Variants in SUPT3H observed in about 807,000 individuals in gnomAD.
The protein encoded by SUPT3H is SPT3 homolog, SAGA and STAGA complex component.
Under a neutral mutation model 44.3 loss-of-function variants are expected in SUPT3H, and 44 were observed. That is an observed-to-expected ratio of 0.99 (90% CI 0.78 to 1.28). The LOEUF is 1.28. Among genes scored for constraint, SUPT3H ranks in the 50% most tolerant of loss-of-function variants. The probability of loss-of-function intolerance (pLI) is 0.00; values close to 1 mark genes in which losing one functional copy is unlikely to be tolerated. For synonymous variants in SUPT3H, 124 were observed against 125.6 expected (o/e 0.99, Z 0.09); for missense variants, 380 against 387.1 (o/e 0.98, Z 0.15).
intron 9 of SUPT3H, among the ~76,000 whole-genome samples, chr6:44,936,408 T>C (rs1771427483): frequency 6.6e-6 from 1 of 152,170 alleles, no homozygotes; most frequent in South Asian, 2.1e-4. Flanking sequence ...TAGATTAGAG[T>C]GGTAAAGTTA....
At chr6:45,166,912 T>C (rs566715104) in intron 2 of SUPT3H, among the ~76,000 whole-genome samples, 3 of 152,342 alleles carry the variant, frequency 2.0e-5, no homozygotes, top group Admixed American at 1.3e-4. Flanking sequence ...AGAACTCTCA[T>C]GCATTGCTTG....
At chr6:45,305,232 C>T (rs942875970) in intron 2 of SUPT3H, among the ~76,000 whole-genome samples, 1 of 152,172 alleles carries the variant, frequency 6.6e-6, no homozygotes, top group Non-Finnish European at 1.5e-5. Context: ...ATTACCGGAA[C>T]ATAACTCGTT....
intron 2 of SUPT3H, among the ~76,000 whole-genome samples, chr6:45,149,990 T>G (rs1419122583): frequency 1.3e-5 from 2 of 151,938 alleles, no homozygotes; most frequent in Non-Finnish European, 2.9e-5. Flanking sequence ...CCAGGCTACA[T>G]ATCAGGTAAA....
intron 2 of SUPT3H, among the ~76,000 whole-genome samples, chr6:45,120,481 A>G (rs1198181988): frequency 6.7e-6 from 1 of 149,710 alleles, no homozygotes; most frequent in Non-Finnish European, 1.5e-5. Flanking sequence ...TGACTGGAGT[A>G]GGATGATGAT....
chr6:45,118,187 T>G (rs1801107902), intron 2 of SUPT3H, among the ~76,000 whole-genome samples: 2 of 152,076 alleles, frequency 1.3e-5, no homozygotes, highest in Non-Finnish European at 2.9e-5. Context: ...CTTTAAATTT[T>G]ACTATGAAAA....
intron 10 of SUPT3H, among the ~76,000 whole-genome samples, chr6:44,885,278 T>G (rs75131094): frequency 6.6e-6 from 1 of 152,270 alleles, no homozygotes; most frequent in South Asian, 2.1e-4. Flanking sequence ...TCTCCCAGCA[T>G]GCAGCTGGAG....
intron 3 of SUPT3H, among the ~76,000 whole-genome samples, chr6:45,043,381 T>C (rs1788893651): frequency 6.6e-6 from 1 of 152,142 alleles, no homozygotes; most frequent in Non-Finnish European, 1.5e-5. Flanking sequence ...GGGTGAGTTG[T>C]GTGTCACTGA....
At chr6:44,895,494 G>C (rs1424314785) in intron 10 of SUPT3H, among the ~76,000 whole-genome samples, 1 of 152,162 alleles carries the variant, frequency 6.6e-6, no homozygotes, top group African/African-American at 2.4e-5. Flanking sequence ...TGGAACTGTA[G>C]ATATATTCAA....
intron 2 of SUPT3H, among the ~76,000 whole-genome samples, chr6:45,229,973 C>A (rs1450539185): frequency 6.6e-6 from 1 of 152,118 alleles, no homozygotes; most frequent in Non-Finnish European, 1.5e-5. Context: ...TATTCATGGT[C>A]CCTTTCCCCC....
intron 2 of SUPT3H, among the ~76,000 whole-genome samples, chr6:45,115,268 T>C (rs1800675276): frequency 6.6e-6 from 1 of 152,104 alleles, no homozygotes; most frequent in Admixed American, 6.5e-5. Context: ...TGGTATGAGA[T>C]AGTCACAGAG....
chr6:45,058,419 CCTT>C (rs1255874264), intron 3 of SUPT3H, among the ~76,000 whole-genome samples: 3 of 152,052 alleles, frequency 2.0e-5, no homozygotes, highest in Admixed American at 1.3e-4. Flanking sequence ...ATACTGAACA[CCTT>C]CTATATTCTA....
At chr6:45,144,489 T>C (rs548870109) in intron 2 of SUPT3H, among the ~76,000 whole-genome samples, 4 of 152,018 alleles carry the variant, frequency 2.6e-5, no homozygotes, top group African/African-American at 7.2e-5. Context: ...AAAACTGACA[T>C]AGAGGTGACA....
intron 9 of SUPT3H, among the ~76,000 whole-genome samples, chr6:44,942,731 C>T (rs549517075): frequency 6.6e-6 from 1 of 152,220 alleles, no homozygotes; most frequent in Admixed American, 6.5e-5. Context: ...TGGCTTTCCG[C>T]AAATCTTTTA....
At chr6:44,973,955 T>C (rs887015498) in intron 6 of SUPT3H, among the ~76,000 whole-genome samples, 5 of 152,172 alleles carry the variant, frequency 3.3e-5, no homozygotes, top group South Asian at 2.1e-4. Flanking sequence ...GTGAGGATTA[T>C]GGGAACTACA....
intron 2 of SUPT3H, among the ~76,000 whole-genome samples, chr6:45,217,124 TAAA>T (rs754759320): frequency 6.6e-6 from 1 of 152,044 alleles, no homozygotes; most frequent in Non-Finnish European, 1.5e-5. Flanking sequence ...AAAAATAAAA[TAAA>T]AAGCCAAAAT....
At chr6:45,140,620 C>G (rs1805022206) in intron 2 of SUPT3H, among the ~76,000 whole-genome samples, 1 of 152,192 alleles carries the variant, frequency 6.6e-6, no homozygotes, top group South Asian at 2.1e-4. Flanking sequence ...CTAAACATAT[C>G]TATAACCAAG....
At chr6:45,298,872 A>T (rs1781693730) in intron 2 of SUPT3H, among the ~76,000 whole-genome samples, 1 of 152,158 alleles carries the variant, frequency 6.6e-6, no homozygotes, top group African/African-American at 2.4e-5. Flanking sequence ...TTGATCTCAC[A>T]ATGATCCCTG....
At chr6:44,977,250 G>C (rs1402383236) in intron 6 of SUPT3H, among the ~76,000 whole-genome samples, 1 of 152,208 alleles carries the variant, frequency 6.6e-6, no homozygotes, top group Non-Finnish European at 1.5e-5. Context: ...TTGGCAGCAA[G>C]AGGAAGGGAA....
chr6:45,253,785 C>T (rs535993705), intron 2 of SUPT3H, among the ~76,000 whole-genome samples: 22 of 148,180 alleles, frequency 1.5e-4, no homozygotes, highest in Non-Finnish European at 2.2e-4. Flanking sequence ...AAGACCCTGT[C>T]TCTAAAATAA....
Sources: allele counts gnomAD v4.1 joint callset (sites outside exome capture counted in the v4.1 genomes callset), GRCh38; gene constraint gnomAD v4.1.1; transcripts MANE v1.5; gene names NCBI Gene and HGNC (gene_info 2026-07-23, HGNC 2026-07-21).